SAYSD1: variants seen among roughly 807,000 people sequenced by gnomAD.
SAYSD1 encodes SAYSVFN motif domain containing 1.
In SAYSD1, 15 loss-of-function variants were observed where a neutral mutation model predicts 14.5. The ratio of observed to expected loss-of-function variants is 1.03; its 90% CI spans 0.69 to 1.59. The LOEUF (loss-of-function observed/expected upper bound fraction) is 1.59. Ranked by LOEUF, SAYSD1 falls within the 40% of genes most tolerant of loss-of-function variation. SAYSD1 has a pLI of 0.00. For synonymous variants in SAYSD1, 105 were observed against 102.6 expected, an observed-to-expected ratio of 1.02 and a Z score of -0.14; for missense variants, 247 against 227.3, an observed-to-expected ratio of 1.09 and a Z score of -0.56.
chr6:39,108,809 T>G (rs1769566290), intron 1 of SAYSD1, among the ~76,000 whole-genome samples: 1 of 152,208 alleles, frequency 6.6e-6, no homozygotes, highest in Non-Finnish European at 1.5e-5. Flanking sequence ...GAGTTCTCCC[T>G]GCTCAGCTGA....
intron 1 of SAYSD1, chr6:39,109,762 G>T: frequency 4.0e-6 from 1 of 250,512 alleles, no homozygotes; most frequent in Non-Finnish European, 6.3e-6. Context: ...TGGATGACAG[G>T]ATTTCCCAAA....
rs574802113 is a variant in SAYSD1, at chr6:39,115,169, G to A, written c.-80C>T. The A allele has an allele frequency of 1.5e-6, 2 of 1,349,936 alleles. No individual in the cohort carries two copies. Among genetic ancestry groups the A allele is most frequent in the African/African-American group, 1.5e-5 (1 of 67,276 alleles). The allele number at this position is 1,349,936 out of a possible 1,614,324, so 83.6% of individuals were successfully genotyped here. A position where few individuals can be genotyped will look rare whatever the true frequency, so the allele number is the denominator to read the frequency against. On this transcript the variant is annotated 5_prime_UTR_variant, in exon 1 of 2. Coordinates refer to ENST00000229903, the MANE Select transcript of SAYSD1 (RefSeq NM_018322.3). ...CAGCAGTTGCCTCCGCTCGGCCCGC[G>A]CCGGCCGCCGTGCGCCTGCGTGGCA...
At position 39,115,053 on chromosome 6, in the gene SAYSD1, T is replaced by A. The variant is rs1465252493; in HGVS notation, c.37A>T (p.Lys13Ter). The A allele has an allele frequency of 6.2e-7, 1 of 1,610,882 alleles. No individual in the cohort carries two copies. Among genetic ancestry groups the A allele is most frequent in the African/African-American group, 1.3e-5 (1 of 75,056 alleles). The change falls in exon 1 of 2, where the codon AAA becomes TAA. Residue 13 changes from lysine (K) to a stop codon, truncating the protein, a stop_gained. Transcript: ENST00000229903. LOFTEE classifies it high-confidence loss of function. ...GGTTGGGCCGCCAGACCCGCCCGTT[T>A]CCGCGCCGCCCGAAACTCAGCTAAC... Reference protein sequence around the residue: ...QRLAEFRAARKRAGLAAQPPA... With the variant: ...QRLAEFRAAR
rs973631949 is a variant in SAYSD1, at chr6:39,114,767, T to C, written c.207+116A>G. On this transcript the variant is annotated intron_variant, in intron 1 of 1. Transcript: ENST00000229903. ...TGAGCGGTCCGGCCCTCGATCAGGA[T>C]GGGGGGCCAGTAGCCCCGCCTCCGG... 6.0e-5 allele frequency: 60 copies of C among 997,202 alleles called. 1 individual carries two copies. The highest frequency in any genetic ancestry group is 7.9e-5 in the Non-Finnish European group (52 of 658,330). The allele number at this position is 997,202 out of a possible 1,614,324, so 61.8% of individuals were successfully genotyped here.
chr6:39,105,237 G>A lies in SAYSD1; in HGVS notation c.*195C>T. ...AAATTGCGTCGGACCCACAGTGAAT[G>A]TATTTTAGAGAGTTTCACCAAAACT... On this transcript the variant is annotated 3_prime_UTR_variant, in exon 2 of 2. Coordinates refer to ENST00000229903, the MANE Select transcript of SAYSD1 (RefSeq NM_018322.3). 1 of 575,898 alleles carries A rather than the reference G, an allele frequency of 1.7e-6. No individual in the cohort carries two copies. The highest frequency in any genetic ancestry group is 3.1e-6 in the Non-Finnish European group (1 of 325,710). 35.7% of individuals were successfully genotyped at this position (575,898 alleles called of 1,614,324 possible).
chr6:39,114,768 G>T (rs920464942), intron 1 of SAYSD1, 115 bp downstream of exon 1: 15 of 993,854 alleles, frequency 1.5e-5, no homozygotes, highest in Non-Finnish European at 2.3e-5. Flanking sequence ...CGATCAGGAT[G>T]GGGGGCCAGT....
Position 39,105,683 on chromosome 6 carries a change from T to C in SAYSD1, c.301A>G (p.Ile101Val), listed in dbSNP as rs1357094250. Residue 101 changes from isoleucine (I) to valine (V), a missense_variant, in exon 2 of 2, where the codon ATC becomes GTC. Physicochemically the swap from Ile to Val is conservative, Grantham distance 29. Transcript: ENST00000229903. ...SCWDQSFLTNITFLKVLLWLV... is the reference protein window; with the variant it reads ...SCWDQSFLTNVTFLKVLLWLV... Reference sequence around the variant, plus strand: ...CAGAGAAGAACCTTCAAGAAGGTGATATTGGTCAGGAAAGACTGGTCCCAG... The same window carrying C: ...CAGAGAAGAACCTTCAAGAAGGTGACATTGGTCAGGAAAGACTGGTCCCAG... 7 of 1,614,174 alleles carry C rather than the reference T, an allele frequency of 4.3e-6. No homozygotes were observed. The highest frequency in any genetic ancestry group is 1.1e-5 in the South Asian group (1 of 91,082).
Position 39,105,464 on chromosome 6 carries a change from C to T in SAYSD1, c.520G>A (p.Glu174Lys), listed in dbSNP as rs1407511548. 9 of 1,614,234 alleles carry T rather than the reference C, an allele frequency of 5.6e-6. No individual in the cohort carries two copies. Among genetic ancestry groups the T allele is most frequent in the South Asian group, 1.1e-5 (1 of 91,086 alleles). Reference sequence around the variant, plus strand: ...CCTGCCAGGGGTCTCAACTGTAACTCGCGCTCCAACTGCTCTGCAGTCAGG... The same window carrying T: ...CCTGCCAGGGGTCTCAACTGTAACTTGCGCTCCAACTGCTCTGCAGTCAGG... Reference protein sequence around the residue: ...GTLTAEQLERELQLRPLAGR With the variant: ...GTLTAEQLERKLQLRPLAGR Residue 174 changes from glutamate (E) to lysine (K), a missense_variant, in exon 2 of 2, where the codon GAG becomes AAG. Physicochemically the swap from Glu to Lys is moderately conservative, Grantham distance 56 (BLOSUM62 1). Coordinates refer to ENST00000229903, the MANE Select transcript of SAYSD1 (RefSeq NM_018322.3).
chr6:39,107,703 C>G (rs2113736481), intron 1 of SAYSD1, among the ~76,000 whole-genome samples: 1 of 152,230 alleles, frequency 6.6e-6, no homozygotes, highest in South Asian at 2.1e-4. Context: ...ATTGGAGAGG[C>G]CCTTATATTA....
chr6:39,114,194 C>A (rs936650815), intron 1 of SAYSD1, among the ~76,000 whole-genome samples: 5 of 152,230 alleles, frequency 3.3e-5, no homozygotes, highest in African/African-American at 1.2e-4. Context: ...AGCCACCTTA[C>A]CATTTTACTG....
At chr6:39,108,318 A>G (rs1054040089) in intron 1 of SAYSD1, among the ~76,000 whole-genome samples, 10 of 149,766 alleles carry the variant, frequency 6.7e-5, no homozygotes, top group Admixed American at 2.7e-4. Flanking sequence ...AGATGAGGTC[A>G]GTCTCGGATC....
chr6:39,109,585 T>C, intron 1 of SAYSD1: 12 of 1,401,396 alleles, frequency 8.6e-6, no homozygotes, highest in Non-Finnish European at 1.1e-5. Context: ...AGAGTATTCT[T>C]TGTGCATATA....
chr6:39,109,334 G>T lies in SAYSD1; in HGVS notation c.208-3558C>A, dbSNP rs772770104. 1.9e-6 allele frequency: 3 copies of T among 1,551,052 alleles called. No homozygotes were observed. In the South Asian group the frequency reaches 3.6e-5, roughly 18 times the overall value. ...GTTACCAGCATTTTTGTCCTAATGTGGAAGAAGCTCGTCACAGAATTATTT... is the reference window on the plus strand; with the variant it reads ...GTTACCAGCATTTTTGTCCTAATGTTGAAGAAGCTCGTCACAGAATTATTT... On this transcript the variant is annotated intron_variant, in intron 1 of 1. Coordinates refer to ENST00000229903, the MANE Select transcript of SAYSD1 (RefSeq NM_018322.3).
intron 1 of SAYSD1, among the ~76,000 whole-genome samples, chr6:39,110,046 A>G (rs1200613428): frequency 1.3e-5 from 2 of 152,188 alleles, no homozygotes; most frequent in Non-Finnish European, 2.9e-5. Context: ...GTGGAAGGGT[A>G]TTCCATTCTG....
At chr6:39,111,884 G>C (rs796730750) in intron 1 of SAYSD1, 6 of 152,164 alleles carry the variant, frequency 3.9e-5, no homozygotes, top group African/African-American at 1.4e-4. Flanking sequence ...TCAAAAAGTA[G>C]AATGGAAACA....
At chr6:39,106,997 A>C (rs1051275609) in intron 1 of SAYSD1, among the ~76,000 whole-genome samples, 1 of 152,176 alleles carries the variant, frequency 6.6e-6, no homozygotes, top group African/African-American at 2.4e-5. Flanking sequence ...ACAAGTCAAC[A>C]CTTACCCTCC....
In SAYSD1 at chr6:39,115,151, T is replaced by C. The variant is rs1338250058; in HGVS notation, c.-62A>G. The C allele has an allele frequency of 4.8e-6, 7 of 1,470,404 alleles. No individual in the cohort carries two copies. Among genetic ancestry groups the C allele is most frequent in the African/African-American group, 4.2e-5 (3 of 70,706 alleles). 91.1% of individuals were successfully genotyped at this position (1,470,404 alleles called of 1,614,324 possible). On this transcript the variant is annotated 5_prime_UTR_variant, in exon 1 of 2. Transcript: ENST00000229903. ...GCGCGCCCGCAGGCCGCACAGCAGT[T>C]GCCTCCGCTCGGCCCGCGCCGGCCG...
chr6:39,107,390 C>T (rs1769526412), intron 1 of SAYSD1, among the ~76,000 whole-genome samples: 1 of 152,192 alleles, frequency 6.6e-6, no homozygotes, highest in Non-Finnish European at 1.5e-5. Flanking sequence ...CTATTCAGCA[C>T]TACAGTGTCT....
At chr6:39,114,135 T>C (rs1191890009) in intron 1 of SAYSD1, among the ~76,000 whole-genome samples, 1 of 152,244 alleles carries the variant, frequency 6.6e-6, no homozygotes, top group East Asian at 1.9e-4. Flanking sequence ...ACTCATCCCT[T>C]GATATGTTTT....
Sources: allele counts gnomAD v4.1 joint callset (sites outside exome capture counted in the v4.1 genomes callset), GRCh38; gene constraint gnomAD v4.1.1; transcripts MANE v1.5; gene names NCBI Gene and HGNC (gene_info 2026-07-23, HGNC 2026-07-21).